Variants in POLR3E observed in about 807,000 individuals in gnomAD.
The protein encoded by POLR3E is RNA polymerase III subunit E.
Under a neutral mutation model 96.6 loss-of-function variants are expected in POLR3E, and 41 were observed. That is an observed-to-expected ratio of 0.42 (90% CI 0.33 to 0.55). The LOEUF (loss-of-function observed/expected upper bound fraction) is 0.55. Among genes scored for constraint, POLR3E ranks in the 20% least tolerant of loss-of-function variants. The pLI is 0.06. For missense variants in POLR3E, 849 were observed against 952.1 expected, an observed-to-expected ratio of 0.89 and a Z score of 1.43; for synonymous variants, 396 against 383.6, an observed-to-expected ratio of 1.03 and a Z score of -0.38.
chr16:22,305,068 C>A, intron 2 of POLR3E, 88 bp from the exon 3 acceptor site: 1 of 1,029,272 alleles, frequency 9.7e-7, no homozygotes, highest in Non-Finnish European at 1.5e-6. Context: ...AGCCACTGCC[C>A]TTAACTGAAG....
Position 22,325,250 on chromosome 16 carries a change from G to A in POLR3E, c.1332G>A (p.Lys444=). 1.2e-6 allele frequency: 2 copies of A among 1,613,834 alleles called. No homozygotes were observed. Among genetic ancestry groups the A allele is most frequent in the Non-Finnish European group, 1.7e-6 (2 of 1,179,724 alleles). Residue 444 remains lysine (K), a synonymous_variant, in exon 17 of 21, where the codon AAG becomes AAA. Coordinates refer to ENST00000299853, the MANE Select transcript of POLR3E (RefSeq NM_018119.4). ...TTGTAAAGGAAACCATGCCAAAGAA[G>A]CCGGATGCACAATCAGGTGTGTGAG... ...YNLVKETMPK[K]PDAQSGPAGL... is the part of the protein sequence containing the mutation.
intron 12 of POLR3E, among the ~76,000 whole-genome samples, chr16:22,317,937 G>C (rs539638317): frequency 3.2e-4 from 48 of 152,004 alleles, no homozygotes; most frequent in Non-Finnish European, 6.2e-4. Context: ...TAGGGTACCC[G>C]TGGCTGGTGA....
At chr16:22,328,192 A>C in intron 18 of POLR3E, 1 of 272,132 alleles carries the variant, frequency 3.7e-6, no homozygotes. Context: ...TGCCAGGCTG[A>C]TGGGAAACAG....
At chr16:22,332,387 C>T (rs1403335990) in intron 20 of POLR3E, among the ~76,000 whole-genome samples, 1 of 152,110 alleles carries the variant, frequency 6.6e-6, no homozygotes, top group Non-Finnish European at 1.5e-5. Context: ...AGGACTGACC[C>T]CTTCAAACAA....
In POLR3E at chr16:22,325,216, T is replaced by C. The variant is rs763108871; in HGVS notation, c.1298T>C (p.Val433Ala). 7.4e-6 allele frequency: 12 copies of C among 1,612,868 alleles called. No homozygotes were observed. Among genetic ancestry groups the C allele is most frequent in the African/African-American group, 1.3e-5 (1 of 74,870 alleles). Residue 433 changes from valine to alanine, a missense_variant, in exon 17 of 21, where the codon GTC (valine) becomes GCC (alanine). Physicochemically the swap from Val to Ala is moderately conservative, Grantham distance 64 (BLOSUM62 0). Transcript: ENST00000299853. ...ACTCTTCTTTTCAGACTGGAAAAAG[T>C]CTATAATCTTGTAAAGGAAACCATG... is the stretch of plus-strand genomic sequence containing the variant. ...WTGIQAKLEK[V>A]YNLVKETMPK...
intron 5 of POLR3E, 58 bp from the exon 6 acceptor site, chr16:22,309,370 C>A: frequency 7.7e-7 from 1 of 1,303,526 alleles, no homozygotes; most frequent in Non-Finnish European, 1.1e-6. Flanking sequence ...GCGCTGTGGC[C>A]ACAGGCCCTG....
Position 22,325,968 on chromosome 16 carries a change from T to A in POLR3E, c.1556T>A (p.Met519Lys). ...GAGCAGGAGGCGGAGGAGGAGCCCA[T>A]GGACACTTCCCCCAGCGGCCTCCAC... The part of the protein sequence containing the change: ...DEEQEAEEEP[M>K]DTSPSGLHSK... Residue 519 changes from methionine (M) to lysine (K), a missense_variant, in exon 18 of 21, where the codon ATG (methionine) becomes AAG (lysine). Physicochemically the swap from Met to Lys is moderately conservative, Grantham distance 95. Coordinates refer to ENST00000299853, the MANE Select transcript of POLR3E (RefSeq NM_018119.4). The A allele has an allele frequency of 6.3e-7, 1 of 1,592,634 alleles. No individual in the cohort carries two copies. Among genetic ancestry groups the A allele is most frequent in the Non-Finnish European group, 8.6e-7 (1 of 1,169,344 alleles).
intron 3 of POLR3E, among the ~76,000 whole-genome samples, chr16:22,305,729 C>T (rs1039872231): frequency 1.1e-4 from 17 of 152,198 alleles, no homozygotes; most frequent in East Asian, 5.8e-4. Flanking sequence ...GCGAGGGCCC[C>T]GGGTTGCTAC....
chr16:22,311,753 C>T (rs1286045994), intron 6 of POLR3E, among the ~76,000 whole-genome samples: 1 of 152,062 alleles, frequency 6.6e-6, no homozygotes, highest in African/African-American at 2.4e-5. Flanking sequence ...GTCTCTGCCT[C>T]CCAGAGTTCT....
At position 22,317,167 on chromosome 16, in the gene POLR3E, C is replaced by G. The variant is rs1219352475; in HGVS notation, c.826C>G (p.Leu276Val). The G allele has an allele frequency of 7.4e-6, 12 of 1,613,920 alleles. No individual in the cohort carries two copies. The highest frequency in any genetic ancestry group is 1.7e-5 in the Admixed American group (1 of 60,032). Residue 276 changes from leucine to valine, a missense_variant, in exon 12 of 21, where the codon CTG becomes GTG. By Grantham distance (32) the Leu-to-Val change is conservative. Coordinates refer to ENST00000299853, the MANE Select transcript of POLR3E (RefSeq NM_018119.4). ...NVLSMAQLRT[L>V]PLADQIKILM... ...CCTGTCGATGGCCCAGCTGCGCACG[C>G]TGCCCCTGGCCGATCAGATCAAGAT... is the stretch of plus-strand genomic sequence containing the variant.
rs1316961174 is a variant in POLR3E, at chr16:22,313,571, A to G, written c.365-49A>G. The G allele has an allele frequency of 7.6e-7, 1 of 1,314,668 alleles. No individual in the cohort carries two copies. The highest frequency in any genetic ancestry group is 1.2e-5 in the South Asian group (1 of 83,988). The allele number at this position is 1,314,668 out of a possible 1,614,324, so 81.4% of individuals were successfully genotyped here. A position where few individuals can be genotyped will look rare whatever the true frequency, so the allele number is the denominator to read the frequency against. ...GGGACTTGGTGACTCTCTTGAGCCA[A>G]ACTGGGTGGGTTTCTAGAGTTGAGT... On this transcript the variant is annotated intron_variant, in intron 6 of 20. Transcript: ENST00000299853. This position sits in a 1 kb window ranked among gnomAD's most constrained non-coding sequence, Gnocchi z 4.1.
Position 22,333,909 on chromosome 16 carries a change from G to A in POLR3E, c.*209G>A. ...AGTTAGTTAGATCACTCCCAGAAGAGACCAGCTGGGACCTTCTTTGCAGTA... is the reference window on the plus strand; with the variant it reads ...AGTTAGTTAGATCACTCCCAGAAGAAACCAGCTGGGACCTTCTTTGCAGTA... On this transcript the variant is annotated 3_prime_UTR_variant, in exon 21 of 21. Transcript: ENST00000299853. 1 of 455,634 alleles carries A rather than the reference G, an allele frequency of 2.2e-6. No individual in the cohort carries two copies. Among genetic ancestry groups the A allele is most frequent in the Non-Finnish European group, 3.9e-6 (1 of 255,484 alleles). 28.2% of individuals were successfully genotyped at this position (455,634 alleles called of 1,614,324 possible).
chr16:22,317,944 G>A (rs1451622444), intron 12 of POLR3E, among the ~76,000 whole-genome samples: 1 of 152,022 alleles, frequency 6.6e-6, no homozygotes, highest in Non-Finnish European at 1.5e-5. Context: ...CCCGTGGCTG[G>A]TGAACAACAG....
At chr16:22,323,007 C>T (rs2048502179) in intron 14 of POLR3E, 76 bp downstream of exon 14, 10 of 997,466 alleles carry the variant, frequency 1.0e-5, no homozygotes, top group South Asian at 9.5e-5. Context: ...CTTCTGAAGA[C>T]CGGGGCCCGG....
In POLR3E at chr16:22,334,511, G is replaced by C. The variant is rs1483318043; in HGVS notation, c.*811G>C. ...TTGGGCTCAGCGTTACGTGTATCTAGAGGGAACGGAGCTAATGGAGGAAGA... is the reference window on the plus strand; with the variant it reads ...TTGGGCTCAGCGTTACGTGTATCTACAGGGAACGGAGCTAATGGAGGAAGA... On this transcript the variant is annotated 3_prime_UTR_variant, in exon 21 of 21. Coordinates refer to ENST00000299853, the MANE Select transcript of POLR3E (RefSeq NM_018119.4). 1 of 152,212 alleles carries C rather than the reference G, an allele frequency of 6.6e-6. No homozygotes were observed. Among genetic ancestry groups the C allele is most frequent in the Non-Finnish European group, 1.5e-5 (1 of 68,044 alleles). The allele number at this position is 152,212 out of a possible 1,614,324, so 9.4% of individuals were successfully genotyped here. A position where few individuals can be genotyped will look rare whatever the true frequency, so the allele number is the denominator to read the frequency against.
At chr16:22,317,637 T>TG (rs879348419) in intron 12 of POLR3E, among the ~76,000 whole-genome samples, 1,706 of 150,888 alleles carry the variant, frequency 0.011, 46 homozygotes, top group African/African-American at 0.04. Flanking sequence ...ACTAGGGGCT[T>TG]TTTGTTGTTG....
At chr16:22,315,297 GTCAAAT>G (rs1420220922) in intron 9 of POLR3E, 89 bp downstream of exon 9, 1 of 1,383,126 alleles carries the variant, frequency 7.2e-7, no homozygotes, top group African/African-American at 1.4e-5. Context: ...TTGAACTTAA[GTCAAAT>G]TCATGAGTCA....
intron 1 of POLR3E, chr16:22,298,936 T>C (rs1203225509): frequency 4.4e-6 from 2 of 455,616 alleles, no homozygotes; most frequent in Non-Finnish European, 8.8e-6. Flanking sequence ...TAAAGTATGA[T>C]TGTCTGCATT....
chr16:22,303,657 T>TTTTTTTTTG (rs2048073378), intron 2 of POLR3E, among the ~76,000 whole-genome samples: 3 of 147,468 alleles, frequency 2.0e-5, no homozygotes, highest in South Asian at 2.1e-4. Context: ...TTTTTTTTTT[T>TTTTTTTTTG]GGAGACAGAG....
Sources: allele counts gnomAD v4.1 joint callset (sites outside exome capture counted in the v4.1 genomes callset), GRCh38; gene constraint gnomAD v4.1.1; non-coding constraint Gnocchi (gnomAD v3.1); transcripts MANE v1.5; gene names NCBI Gene and HGNC (gene_info 2026-07-23, HGNC 2026-07-21).